Variants in WASF3 observed in about 807,000 individuals in gnomAD.
WASF3 encodes the protein actin-binding protein WASF3.
A neutral mutation model predicts 46.6 loss-of-function variants in WASF3; 11 were observed. The ratio of observed to expected loss-of-function variants is 0.24; its 90% confidence interval spans 0.15 to 0.39. WASF3 has a LOEUF of 0.39. Ranked by LOEUF, WASF3 falls within the 10% of genes least tolerant of loss-of-function variation. The pLI is 1.00. For synonymous variants in WASF3, 242 were observed against 259.7 expected (o/e 0.93, Z 0.65); for missense variants, 576 against 669.8 (o/e 0.86, Z 1.55).
chr13:26,614,929 T>C (rs1436328977), intron 2 of WASF3, among the ~76,000 whole-genome samples: 3 of 127,188 alleles, frequency 2.4e-5, no homozygotes, highest in African/African-American at 9.2e-5. Context: ...AGGCTTTTTG[T>C]AGAAGCGCTG....
At chr13:26,591,266 G>A (rs746333407) in intron 1 of WASF3, among the ~76,000 whole-genome samples, 25 of 152,102 alleles carry the variant, frequency 1.6e-4, no homozygotes, top group African/African-American at 5.1e-4. Context: ...TGTGCTGAAC[G>A]GCCACCAGAG....
chr13:26,681,001 G>C, intron 7 of WASF3, 53 bp from the exon 8 acceptor site: 1 of 1,559,456 alleles, frequency 6.4e-7, no homozygotes, highest in Non-Finnish European at 8.7e-7. Flanking sequence ...CCTGTTAGCC[G>C]ACAATTTTTA....
At chr13:26,560,054 G>A (rs1431669162) in intron 1 of WASF3, among the ~76,000 whole-genome samples, 1 of 151,830 alleles carries the variant, frequency 6.6e-6, no homozygotes, top group Non-Finnish European at 1.5e-5. Context: ...CTGACCTCAG[G>A]TTGATCCGCC....
the WASF3 span, among the ~76,000 whole-genome samples, chr13:26,551,626 G>A: frequency 1.3e-5 from 2 of 152,168 alleles, no homozygotes; most frequent in African/African-American, 4.8e-5. Context: ...AGAGGCTGGT[G>A]TAGGTAACTG....
chr13:26,623,319 G>A (rs1881364081), intron 2 of WASF3, among the ~76,000 whole-genome samples: 1 of 152,126 alleles, frequency 6.6e-6, no homozygotes, highest in African/African-American at 2.4e-5. Context: ...CTGCCACTGG[G>A]AGACAGGCAT....
At chr13:26,645,517 CT>C (rs1424564615) in intron 3 of WASF3, among the ~76,000 whole-genome samples, 1 of 151,830 alleles carries the variant, frequency 6.6e-6, no homozygotes, top group Non-Finnish European at 1.5e-5. Context: ...ATTCATTCTT[CT>C]TTGTATTTCA....
intron 3 of WASF3, among the ~76,000 whole-genome samples, chr13:26,650,912 A>G (rs1882295729): frequency 6.6e-6 from 1 of 152,230 alleles, no homozygotes; most frequent in African/African-American, 2.4e-5. Context: ...CGTCTGACAC[A>G]TACGTAATTG....
intron 3 of WASF3, 28 bp from the exon 4 acceptor site, chr13:26,665,000 G>A (rs961141658): frequency 4.3e-6 from 7 of 1,612,596 alleles, no homozygotes; most frequent in Admixed American, 1.7e-5. Flanking sequence ...CCTAACAGAT[G>A]GCCTTCTCCA....
intron 1 of WASF3, among the ~76,000 whole-genome samples, chr13:26,596,478 A>G (rs1880466568): frequency 6.6e-6 from 1 of 151,912 alleles, no homozygotes; most frequent in Non-Finnish European, 1.5e-5. Flanking sequence ...ATTATTTTTG[A>G]TAAAATTTAG....
intron 3 of WASF3, among the ~76,000 whole-genome samples, chr13:26,645,735 GAGAAAC>G (rs1882131144): frequency 6.6e-6 from 1 of 152,128 alleles, no homozygotes; most frequent in Non-Finnish European, 1.5e-5. Flanking sequence ...CTGTAATCAA[GAGAAAC>G]AGAAGTCAGT....
chr13:26,629,023 G>A (rs765796051), intron 2 of WASF3, among the ~76,000 whole-genome samples: 2 of 152,216 alleles, frequency 1.3e-5, no homozygotes, highest in Non-Finnish European at 2.9e-5. Context: ...TCATTGGGAT[G>A]GACCCGCGTT....
At chr13:26,601,939 C>G (rs1224950767) in intron 1 of WASF3, among the ~76,000 whole-genome samples, 19 of 152,224 alleles carry the variant, frequency 1.2e-4, no homozygotes, top group Non-Finnish European at 2.8e-4. Context: ...GGTGATTGTG[C>G]TTGTCTGCCG....
At chr13:26,613,396 C>T (rs1375387243) in intron 2 of WASF3, among the ~76,000 whole-genome samples, 5 of 151,996 alleles carry the variant, frequency 3.3e-5, no homozygotes, top group Non-Finnish European at 7.4e-5. Flanking sequence ...CTTTTTATTT[C>T]CTGGAATTTA....
chr13:26,548,700 G>A, the WASF3 span, among the ~76,000 whole-genome samples: 2 of 152,166 alleles, frequency 1.3e-5, no homozygotes, highest in African/African-American at 4.8e-5. Context: ...CCTACAGAGT[G>A]AAGTCCTAGC....
intron 1 of WASF3, among the ~76,000 whole-genome samples, chr13:26,567,844 G>A (rs1447175559): frequency 2.6e-5 from 4 of 152,008 alleles, no homozygotes; most frequent in African/African-American, 9.7e-5. Context: ...TATAAAGAAA[G>A]CGAAGCACGT....
intron 5 of WASF3, among the ~76,000 whole-genome samples, chr13:26,670,497 T>TA (rs936244925): frequency 6.6e-6 from 1 of 152,086 alleles, no homozygotes; most frequent in African/African-American, 2.4e-5. Flanking sequence ...AGTATAATAA[T>TA]AAAAAAGAAC....
At chr13:26,673,313 C>G (rs1882973381) in intron 6 of WASF3, among the ~76,000 whole-genome samples, 1 of 152,072 alleles carries the variant, frequency 6.6e-6, no homozygotes, top group African/African-American at 2.4e-5. Context: ...ATTTCCTGTG[C>G]TGTTTTGTCT....
At chr13:26,613,566 G>T (rs973412456) in intron 2 of WASF3, among the ~76,000 whole-genome samples, 1 of 152,110 alleles carries the variant, frequency 6.6e-6, no homozygotes, top group Admixed American at 6.5e-5. Context: ...TCAGGAGATC[G>T]CGACCATCCT....
At chr13:26,565,986 A>G (rs987447967) in intron 1 of WASF3, among the ~76,000 whole-genome samples, 3 of 152,220 alleles carry the variant, frequency 2.0e-5, no homozygotes, top group African/African-American at 7.2e-5. Context: ...ATAATTGTGT[A>G]GGGATTAGGC....
Sources: gnomAD v4.1 joint callset for allele counts (sites outside exome capture counted in the v4.1 genomes callset) on GRCh38, gnomAD v4.1.1 for gene constraint, MANE v1.5 for transcripts, NCBI Gene and HGNC (gene_info 2026-07-23, HGNC 2026-07-21) for gene names.